Variants in CSMD1 observed in about 807,000 individuals in gnomAD.
The protein encoded by CSMD1 is CUB and Sushi multiple domains 1.
Under a neutral mutation model 417.5 loss-of-function variants are expected in CSMD1, and 213 were observed. The ratio of observed to expected loss-of-function variants is 0.51; its 90% CI spans 0.46 to 0.57. The LOEUF is 0.57. Among genes scored for constraint, CSMD1 ranks in the 20% least tolerant of loss-of-function variants. The pLI, the probability that CSMD1 is intolerant of heterozygous loss-of-function variation, is 0.00. For synonymous variants in CSMD1, 2,862 were observed against 1,736.8 expected (o/e 1.65, Z -16.11); for missense variants, 6,923 against 4,529.7 (o/e 1.53, Z -15.17).
chr8:3,285,853 T>G (rs1367795217), intron 25 of CSMD1, among the ~76,000 whole-genome samples: 1 of 151,740 alleles, frequency 6.6e-6, no homozygotes, highest in East Asian at 1.9e-4. Flanking sequence ...ATTATTATAC[T>G]TTAAATTTTA....
chr8:4,263,462 G>T (rs546554395), intron 3 of CSMD1, among the ~76,000 whole-genome samples: 1 of 152,266 alleles, frequency 6.6e-6, no homozygotes, highest in East Asian at 1.9e-4. Context: ...TGACATAGTT[G>T]TTCCTTCCAA....
chr8:3,379,310 T>C (rs907178900), intron 18 of CSMD1, among the ~76,000 whole-genome samples: 2 of 152,102 alleles, frequency 1.3e-5, no homozygotes, highest in Admixed American at 6.5e-5. Flanking sequence ...ATTGTGAAAA[T>C]GGCAATACTG....
chr8:3,919,486 G>T (rs1343758060), intron 5 of CSMD1, among the ~76,000 whole-genome samples: 1 of 152,038 alleles, frequency 6.6e-6, no homozygotes, highest in Non-Finnish European at 1.5e-5. Context: ...CTGTATTATT[G>T]GTCTATGTGT....
intron 2 of CSMD1, among the ~76,000 whole-genome samples, chr8:4,582,107 G>C (rs2725071): frequency 0.38 from 58,105 of 151,168 alleles, 11,310 homozygotes; most frequent in African/African-American, 0.43. Flanking sequence ...TTTATTATCT[G>C]AACTGATGAG....
At chr8:4,152,696 G>T (rs191859087) in intron 3 of CSMD1, among the ~76,000 whole-genome samples, 4 of 143,402 alleles carry the variant, frequency 2.8e-5, no homozygotes, top group Middle Eastern at 3.3e-3. Context: ...TCTCAAAAAA[G>T]AAAAAAAAAA....
chr8:4,887,753 G>C (rs1175953984), intron 1 of CSMD1, among the ~76,000 whole-genome samples: 3 of 151,786 alleles, frequency 2.0e-5, no homozygotes. Flanking sequence ...TTCCTGATGA[G>C]TTGACAATTT....
chr8:3,783,625 G>C (rs537663583), intron 5 of CSMD1, among the ~76,000 whole-genome samples: 1 of 152,224 alleles, frequency 6.6e-6, no homozygotes, highest in Non-Finnish European at 1.5e-5. Flanking sequence ...CCTGGATGCA[G>C]CTGGTTCTTC....
At chr8:4,958,147 C>T (rs1809245154) in intron 1 of CSMD1, among the ~76,000 whole-genome samples, 1 of 152,110 alleles carries the variant, frequency 6.6e-6, no homozygotes, top group African/African-American at 2.4e-5. Context: ...ACATATGTTT[C>T]CCTCAAACAA....
At chr8:4,098,165 G>C (rs1332545021) in intron 3 of CSMD1, among the ~76,000 whole-genome samples, 2 of 152,094 alleles carry the variant, frequency 1.3e-5, no homozygotes, top group African/African-American at 2.4e-5. Flanking sequence ...AGAATAACAT[G>C]TTTTGCAGCT....
chr8:4,254,101 TAG>T (rs1229382620), intron 3 of CSMD1, among the ~76,000 whole-genome samples: 4 of 151,856 alleles, frequency 2.6e-5, no homozygotes, highest in Non-Finnish European at 5.9e-5. Flanking sequence ...GTGTTTTTAG[TAG>T]AGACAGGGTT....
intron 50 of CSMD1, among the ~76,000 whole-genome samples, chr8:3,040,565 G>T (rs951454739): frequency 6.6e-6 from 1 of 151,896 alleles, no homozygotes; most frequent in Non-Finnish European, 1.5e-5. Flanking sequence ...AGCACTTTGG[G>T]AGGACGAGGC....
At position 4,724,669 on chromosome 8, in the gene CSMD1, G is replaced by C. The variant is rs367984831; in HGVS notation, c.86-87111C>G. On this transcript the variant is annotated intron_variant, in intron 1 of 69. Transcript: ENST00000635120. ...TTTCACACAGACATTGAATAAACTT[G>C]CTTTGTATTTTAAATTATTGAACAC... Among the ~76,000 whole-genome samples the C allele has an allele frequency of 7.8e-4, 118 of 152,032 alleles. 2 individuals carry two copies. The South Asian group carries it at 0.024, about 30-fold the overall frequency.
intron 3 of CSMD1, among the ~76,000 whole-genome samples, chr8:4,201,395 G>A (rs775530225): frequency 4.6e-5 from 7 of 151,760 alleles, no homozygotes; most frequent in South Asian, 2.1e-4. Flanking sequence ...AAAATTAGCC[G>A]GGGGTGGCGC....
chr8:4,149,902 T>C (rs1796478444), intron 3 of CSMD1, among the ~76,000 whole-genome samples: 1 of 152,244 alleles, frequency 6.6e-6, no homozygotes, highest in Non-Finnish European at 1.5e-5. Context: ...TAATGTTCAG[T>C]AATCTACCTC....
chr8:4,037,365 C>G (rs572627896), intron 3 of CSMD1, among the ~76,000 whole-genome samples: 2 of 152,190 alleles, frequency 1.3e-5, no homozygotes, highest in Non-Finnish European at 2.9e-5. Context: ...CTTGCTGTAA[C>G]AGCAATGGCC....
At chr8:4,607,310 G>A (rs1453721945) in intron 2 of CSMD1, among the ~76,000 whole-genome samples, 3 of 152,008 alleles carry the variant, frequency 2.0e-5, no homozygotes, top group South Asian at 4.1e-4. Context: ...GCATTTGAAC[G>A]TATCAGAATG....
At chr8:3,464,175 A>T (rs955965680) in intron 12 of CSMD1, among the ~76,000 whole-genome samples, 1 of 152,178 alleles carries the variant, frequency 6.6e-6, no homozygotes, top group Non-Finnish European at 1.5e-5. Flanking sequence ...CTGGAGATGC[A>T]GTTCATCAAC....
chr8:3,214,461 G>C (rs1486952886), intron 30 of CSMD1, 36 bp downstream of exon 30: 14 of 1,471,438 alleles, frequency 9.5e-6, no homozygotes, highest in Admixed American at 2.5e-5. Flanking sequence ...TTAAAGGAAA[G>C]TTGTATTTCT....
At chr8:4,708,505 A>C (rs990957947) in intron 1 of CSMD1, among the ~76,000 whole-genome samples, 1 of 152,198 alleles carries the variant, frequency 6.6e-6, no homozygotes, top group African/African-American at 2.4e-5. Context: ...CAATAACTCA[A>C]TCTGTAGTAA....
Sources: allele counts gnomAD v4.1 joint callset (sites outside exome capture counted in the v4.1 genomes callset), GRCh38; gene constraint gnomAD v4.1.1; transcripts MANE v1.5; gene names NCBI Gene and HGNC (gene_info 2026-07-23, HGNC 2026-07-21).